Variants in ITGAE observed in about 807,000 individuals in gnomAD.
The protein encoded by ITGAE is integrin subunit alpha E, also known as integrin alpha-E.
In ITGAE, 99 loss-of-function variants were observed where a neutral mutation model predicts 136.5. The observed-to-expected ratio is 0.73, with a 90% confidence interval of 0.62 to 0.86. The LOEUF (loss-of-function observed/expected upper bound fraction) is 0.86, where lower values mean the gene tolerates loss of function less well. ITGAE is among the 40% of genes least tolerant of loss of function. ITGAE has a pLI of 0.00. For synonymous variants in ITGAE, 613 were observed against 591.8 expected, an observed-to-expected ratio of 1.04 and a Z score of -0.52; for missense variants, 1,447 against 1,515.3, an observed-to-expected ratio of 0.95 and a Z score of 0.75.
At chr17:3,749,258 C>CTT (rs796375843) in intron 16 of ITGAE, among the ~76,000 whole-genome samples, 48 of 144,216 alleles carry the variant, frequency 3.3e-4, no homozygotes, top group African/African-American at 1.1e-3. Context: ...CTCTGTTTTT[C>CTT]TTTTTTTTTT....
rs117360377 is a variant in ITGAE, at chr17:3,734,889, G to A, written c.2583C>T (p.Ser861=). ...ELTLNINLTN[S]GEDSYMTSMA... is the part of the protein sequence containing the mutation. Reference sequence around the variant, plus strand: ...TGCTTGTCATGTAGGAATCTTCCCCGGAGTTAGTTAGGTTAATGTTCAGGG... The same window carrying A: ...TGCTTGTCATGTAGGAATCTTCCCCAGAGTTAGTTAGGTTAATGTTCAGGG... Residue 861 remains serine (S), a synonymous_variant, in exon 21 of 31, where the codon TCC becomes TCT. Coordinates refer to ENST00000263087, the MANE Select transcript of ITGAE (RefSeq NM_002208.5). The A allele has an allele frequency of 1.4e-4, 225 of 1,614,166 alleles. 1 individual carries two copies. The highest frequency in any genetic ancestry group is 1.7e-4 in the Non-Finnish European group (201 of 1,180,014).
At chr17:3,763,784 G>A (rs2052229298) in intron 3 of ITGAE, 85 bp downstream of exon 3, 2 of 1,072,362 alleles carry the variant, frequency 1.9e-6, no homozygotes, top group Non-Finnish European at 2.9e-6. Flanking sequence ...CAGGGCTGGG[G>A]TTGGAATGGT....
intron 2 of ITGAE, among the ~76,000 whole-genome samples, chr17:3,767,121 A>C (rs1461743322): frequency 6.9e-6 from 1 of 145,170 alleles, no homozygotes; most frequent in Non-Finnish European, 1.5e-5. Flanking sequence ...TTTGAGATGG[A>C]GTTTCACTCT....
At position 3,723,711 on chromosome 17, in the gene ITGAE, C is replaced by T. The variant is rs1299162527; in HGVS notation, c.3118G>A (p.Ala1040Thr). The change falls in exon 27 of 31, where the codon GCT becomes ACT. Residue 1040 changes from alanine (A) to threonine (T), a missense_variant. Ala to Thr is a moderately conservative substitution (Grantham distance 58). Coordinates refer to ENST00000263087, the MANE Select transcript of ITGAE (RefSeq NM_002208.5). ...ACCTGAACCGAACTGTACGCACAAGCGCGCTCCTGACTCCAGGTGCACACC... is the reference window on the plus strand; with the variant it reads ...ACCTGAACCGAACTGTACGCACAAGTGCGCTCCTGACTCCAGGTGCACACC... Reference protein sequence around the residue: ...STVCTWSQERACAYSSVQHVE... With the variant: ...STVCTWSQERTCAYSSVQHVE... 1.2e-6 allele frequency: 2 copies of T among 1,603,768 alleles called. 1 individual carries two copies. The highest frequency in any genetic ancestry group is 2.2e-5 in the South Asian group (2 of 89,896).
chr17:3,716,534 T>A (rs1323970987), intron 30 of ITGAE, among the ~76,000 whole-genome samples, 154 bp downstream of exon 30: 1 of 152,222 alleles, frequency 6.6e-6, no homozygotes, highest in Non-Finnish European at 1.5e-5. Flanking sequence ...TTTACTCATT[T>A]GTCTAAATGG....
intron 1 of ITGAE, among the ~76,000 whole-genome samples, chr17:3,782,910 C>A (rs2052698193): frequency 6.6e-6 from 1 of 152,168 alleles, no homozygotes; most frequent in South Asian, 2.1e-4. Context: ...TACTATGTAA[C>A]AGTTTCTAGT....
At chr17:3,716,539 A>T in intron 30 of ITGAE, 149 bp downstream of exon 30, 1 of 637,426 alleles carries the variant, frequency 1.6e-6, no homozygotes, top group Non-Finnish European at 2.8e-6. Context: ...TCATTTGTCT[A>T]AATGGGGGTG....
chr17:3,742,613 C>T (rs2051614176), intron 19 of ITGAE, among the ~76,000 whole-genome samples: 1 of 151,894 alleles, frequency 6.6e-6, no homozygotes, highest in South Asian at 2.1e-4. Context: ...CACCACCACA[C>T]TGGGCTAATC....
At position 3,759,361 on chromosome 17, in the gene ITGAE, C is replaced by T. The variant is rs530594589; in HGVS notation, c.866+41G>A. ...CTCCATGAGTGATGCCACAGAGACT[C>T]TGGGCATGGCCAGAATAATTCCTGC... On this transcript the variant is annotated intron_variant, in intron 8 of 30. Coordinates refer to ENST00000263087, the MANE Select transcript of ITGAE (RefSeq NM_002208.5). The T allele has an allele frequency of 3.1e-6, 5 of 1,597,656 alleles. No homozygotes were observed. In the East Asian group the frequency reaches 9.0e-5, roughly 29 times the overall value.
In ITGAE at chr17:3,744,032, G is replaced by A. The variant is rs1597323564; in HGVS notation, c.2320-415C>T. ...TTCTTTTTTTTTTTTTTTAAGATAA[G>A]GTCTCACTCACTCTGTCACCCAGTC... On this transcript the variant is annotated intron_variant, in intron 18 of 30. Coordinates refer to ENST00000263087, the MANE Select transcript of ITGAE (RefSeq NM_002208.5). 4.0e-5 allele frequency among the ~76,000 whole-genome samples: 6 copies of A among 149,342 alleles called. 1 individual carries two copies.
At chr17:3,765,176 C>T (rs2052266070) in intron 2 of ITGAE, among the ~76,000 whole-genome samples, 1 of 151,480 alleles carries the variant, frequency 6.6e-6, no homozygotes, top group African/African-American at 2.4e-5. Context: ...GGTGAAACCC[C>T]GTCTCTACTA....
intron 26 of ITGAE, chr17:3,726,469 T>C: frequency 1.6e-6 from 1 of 636,076 alleles, no homozygotes; most frequent in Non-Finnish European, 2.8e-6. Context: ...ACAAGAATTT[T>C]GTTTCCAAAT....
chr17:3,748,158 C>T (rs2051765987), intron 16 of ITGAE, 106 bp from the exon 17 acceptor site: 1 of 1,153,370 alleles, frequency 8.7e-7, no homozygotes. Context: ...AACATGCCCA[C>T]ATCCAGGTGA....
chr17:3,793,782 C>T (rs1012705966), intron 1 of ITGAE, among the ~76,000 whole-genome samples: 12 of 152,020 alleles, frequency 7.9e-5, no homozygotes, highest in African/African-American at 1.2e-4. Context: ...CTCCTGGCCT[C>T]GTGATCCACC....
Position 3,731,194 on chromosome 17 carries a change from G to T in ITGAE, c.2755-11C>A. On this transcript the variant is annotated splice_polypyrimidine_tract_variant and intron_variant, in intron 22 of 30. Coordinates refer to ENST00000263087, the MANE Select transcript of ITGAE (RefSeq NM_002208.5). Reference sequence around the variant, plus strand: ...GACTGAAACATGAGCCTATTTTAAAGGGGGAAAAATGGTCAGTTGATTCTC... The same window carrying T: ...GACTGAAACATGAGCCTATTTTAAATGGGGAAAAATGGTCAGTTGATTCTC... 6.2e-7 allele frequency: 1 copy of T among 1,611,240 alleles called. No individual in the cohort carries two copies. The highest frequency in any genetic ancestry group is 1.1e-5 in the South Asian group (1 of 91,008).
At chr17:3,794,704 C>A (rs2053022040) in intron 1 of ITGAE, among the ~76,000 whole-genome samples, 2 of 152,166 alleles carry the variant, frequency 1.3e-5, no homozygotes, top group South Asian at 2.1e-4. Flanking sequence ...GGCCCCGGGG[C>A]CCACGTCACG....
At chr17:3,763,306 G>GTTCGTTCATTCA (rs112160680) in intron 3 of ITGAE, among the ~76,000 whole-genome samples, 11 of 150,528 alleles carry the variant, frequency 7.3e-5, no homozygotes, top group African/African-American at 2.4e-4. Context: ...AGTGAATCAG[G>GTTCGTTCATTCA]TTCATTCATT....
chr17:3,734,444 T>A (rs939553732), intron 21 of ITGAE, among the ~76,000 whole-genome samples: 1 of 152,230 alleles, frequency 6.6e-6, no homozygotes, highest in Non-Finnish European at 1.5e-5. Flanking sequence ...CCACAGGGTG[T>A]CCTCGGGAAA....
At chr17:3,757,518 T>G (rs2052058201) in intron 9 of ITGAE, among the ~76,000 whole-genome samples, 188 bp downstream of exon 9, 2 of 152,114 alleles carry the variant, frequency 1.3e-5, no homozygotes, top group Admixed American at 1.3e-4. Flanking sequence ...ATTTGGCCAG[T>G]AAGCTGTGAC....
Sources: allele counts gnomAD v4.1 joint callset (sites outside exome capture counted in the v4.1 genomes callset), GRCh38; gene constraint gnomAD v4.1.1; transcripts MANE v1.5; gene names NCBI Gene and HGNC (gene_info 2026-07-23, HGNC 2026-07-21).